Variants in FMN1 observed in about 807,000 individuals in gnomAD.
The protein encoded by FMN1 is formin-1.
FMN1 carries 110 observed loss-of-function variants against 132.4 expected under a neutral mutation model. The observed-to-expected ratio is 0.83, with a 90% CI of 0.71 to 0.97. FMN1 has a LOEUF of 0.97. Among genes scored for constraint, FMN1 ranks in the 50% least tolerant of loss-of-function variants. The pLI is 0.00. For missense variants in FMN1, 1,792 were observed against 1,705.3 expected, an observed-to-expected ratio of 1.05 and a Z score of -0.90; for synonymous variants, 722 against 651.7, an observed-to-expected ratio of 1.11 and a Z score of -1.64.
intron 6 of FMN1, among the ~76,000 whole-genome samples, chr15:33,054,769 G>C (rs1039188506): frequency 9.2e-5 from 14 of 152,210 alleles, no homozygotes; most frequent in Admixed American, 3.3e-4. Context: ...CTTTCCAACA[G>C]TTTTTGGTGA....
chr15:33,069,850 C>A (rs2037915652), intron 5 of FMN1, among the ~76,000 whole-genome samples: 1 of 152,046 alleles, frequency 6.6e-6, no homozygotes, highest in African/African-American at 2.4e-5. Context: ...CAGGACACTG[C>A]AGAAAAATTC....
At chr15:33,151,789 C>T (rs1421968596) in intron 4 of FMN1, among the ~76,000 whole-genome samples, 2 of 152,066 alleles carry the variant, frequency 1.3e-5, no homozygotes, top group Non-Finnish European at 2.9e-5. Context: ...TAGGGTTCTG[C>T]AATACATGAT....
chr15:33,126,919 C>T (rs1166019531), intron 4 of FMN1, among the ~76,000 whole-genome samples: 2 of 152,204 alleles, frequency 1.3e-5, no homozygotes, highest in Admixed American at 6.5e-5. Context: ...AACGTTTCAT[C>T]TTGATTAAAC....
chr15:32,854,732 G>C (rs1364279189), intron 17 of FMN1, among the ~76,000 whole-genome samples: 3 of 152,028 alleles, frequency 2.0e-5, no homozygotes, highest in Non-Finnish European at 2.9e-5. Context: ...GGCCAACATA[G>C]TGAAACCCCA....
chr15:32,870,637 T>C (rs1596135678), intron 16 of FMN1, among the ~76,000 whole-genome samples: 1 of 152,322 alleles, frequency 6.6e-6, no homozygotes, highest in Admixed American at 6.5e-5. Context: ...GAATTTCCAC[T>C]GTGATGATTA....
chr15:32,969,558 C>T, intron 7 of FMN1, 81 bp from the exon 8 acceptor site: 1 of 1,446,484 alleles, frequency 6.9e-7, no homozygotes, highest in Non-Finnish European at 9.4e-7. Flanking sequence ...ATAATACCAT[C>T]ATGGTGCCAC....
At chr15:33,001,001 G>A (rs955512529) in intron 7 of FMN1, among the ~76,000 whole-genome samples, 5 of 152,112 alleles carry the variant, frequency 3.3e-5, no homozygotes, top group African/African-American at 7.2e-5. Context: ...ATAAATCCAC[G>A]GCCAGGCACA....
intron 6 of FMN1, among the ~76,000 whole-genome samples, chr15:33,060,647 T>C (rs191379341): frequency 6.6e-6 from 1 of 152,314 alleles, no homozygotes; most frequent in East Asian, 1.9e-4. Flanking sequence ...ACAAAAGCTA[T>C]GGTCCTCACA....
chr15:32,956,575 G>C (rs937132839), intron 9 of FMN1, among the ~76,000 whole-genome samples: 5 of 152,094 alleles, frequency 3.3e-5, no homozygotes, highest in Non-Finnish European at 5.9e-5. Context: ...AATCGGGACA[G>C]AGCGCTAGTT....
intron 7 of FMN1, among the ~76,000 whole-genome samples, chr15:32,969,839 T>C (rs1422217993): frequency 6.6e-6 from 1 of 152,194 alleles, no homozygotes; most frequent in African/African-American, 2.4e-5. Context: ...TTTTACAACT[T>C]TTCGGGTTGG....
intron 5 of FMN1, chr15:33,066,934 G>C (rs768483006): frequency 6.2e-7 from 1 of 1,613,938 alleles, no homozygotes; most frequent in Non-Finnish European, 8.5e-7. Flanking sequence ...CCTGCACTAA[G>C]GACTTCTGCA....
chr15:33,065,326 A>T lies in FMN1; in HGVS notation c.2044-252T>A, dbSNP rs73378520. Among the ~76,000 whole-genome samples, 1,338 of 152,312 alleles carry T rather than the reference A, an allele frequency of 8.8e-3. 15 individuals are homozygous for T. The highest frequency in any genetic ancestry group is 0.031 in the African/African-American group (1,283 of 41,564). On this transcript the variant is annotated intron_variant, in intron 5 of 20. Coordinates refer to ENST00000616417, the MANE Select transcript of FMN1 (RefSeq NM_001277313.2). ...CTAAGTATATATCACACAACCCTTA[A>T]AAGATTATTTTTATTATATAATTAT...
intron 7 of FMN1, among the ~76,000 whole-genome samples, chr15:32,979,555 CAA>C (rs66993265): frequency 0.091 from 5,180 of 56,944 alleles, 73 homozygotes; most frequent in African/African-American, 0.18. Context: ...GACTCTGTCT[CAA>C]AAAAAAAAAA....
At chr15:33,124,849 T>A (rs1466589337) in intron 4 of FMN1, among the ~76,000 whole-genome samples, 1 of 74,688 alleles carries the variant, frequency 1.3e-5, no homozygotes, top group Non-Finnish European at 3.2e-5. Context: ...TTTTTCTGCA[T>A]TTTTTTTTTT....
At chr15:33,185,036 T>C (rs1965832725) in intron 2 of FMN1, among the ~76,000 whole-genome samples, 1 of 152,214 alleles carries the variant, frequency 6.6e-6, no homozygotes, top group South Asian at 2.1e-4. Flanking sequence ...CTATGTCTAA[T>C]GGGGTCATTA....
Position 33,018,127 on chromosome 15 carries a change from G to A in FMN1, c.2162-10052C>T, listed in dbSNP as rs190461297. On this transcript the variant is annotated intron_variant, in intron 6 of 20. Coordinates refer to ENST00000616417, the MANE Select transcript of FMN1 (RefSeq NM_001277313.2). ...TACCCCCTTAAGGTGATGGTACTAG[G>A]AGATGGAGCCTTTGGGAGGTGATCA... Among the ~76,000 whole-genome samples, 421 of 152,122 alleles carry A rather than the reference G, an allele frequency of 2.8e-3. 1 individual carries two copies. Among genetic ancestry groups the A allele is most frequent in the Non-Finnish European group, 4.4e-3 (300 of 67,996 alleles).
At chr15:33,069,993 C>CTCTCTTTTTTTTTTT (rs398026774) in intron 5 of FMN1, among the ~76,000 whole-genome samples, 8 of 74,290 alleles carry the variant, frequency 1.1e-4, no homozygotes, top group Non-Finnish European at 1.5e-4. Flanking sequence ...CAGTCTTTCT[C>CTCTCTTTTTTTTTTT]TTTTTTTTTT....
intron 4 of FMN1, among the ~76,000 whole-genome samples, chr15:33,127,032 G>C (rs1338815749): frequency 6.6e-6 from 1 of 152,122 alleles, no homozygotes; most frequent in African/African-American, 2.4e-5. Context: ...ACTGCAAGAT[G>C]CATGTTGCAA....
chr15:32,848,999 T>TTTTTTC (rs1304625395), intron 17 of FMN1, among the ~76,000 whole-genome samples: 29 of 145,078 alleles, frequency 2.0e-4, no homozygotes, highest in African/African-American at 7.7e-4. Flanking sequence ...TTTTTTTTTT[T>TTTTTTC]CAGAGACAGA....
Sources: gnomAD v4.1 joint callset for allele counts (sites outside exome capture counted in the v4.1 genomes callset) on GRCh38, gnomAD v4.1.1 for gene constraint, MANE v1.5 for transcripts, NCBI Gene and HGNC (gene_info 2026-07-23, HGNC 2026-07-21) for gene names.